Variants in ZNF692 observed in about 807,000 individuals in gnomAD.
The protein encoded by ZNF692 is AICAR responsive element binding protein.
A neutral mutation model predicts 49.0 loss-of-function variants in ZNF692; 41 were observed. The observed-to-expected ratio is 0.84, with a 90% CI of 0.65 to 1.08. ZNF692 has a LOEUF of 1.08. Ranked by LOEUF, ZNF692 falls within the 50% of genes least tolerant of loss-of-function variation. ZNF692 has a pLI of 0.00. For missense variants in ZNF692, 662 were observed against 662.2 expected, an observed-to-expected ratio of 1.00 and a Z score of 0.00; for synonymous variants, 288 against 251.5, an observed-to-expected ratio of 1.15 and a Z score of -1.37.
At position 248,857,811 on chromosome 1, in the gene ZNF692, T is replaced by TG. The variant is rs773783058; in HGVS notation, c.211+16dup. 3.7e-6 allele frequency: 6 copies of TG among 1,612,888 alleles called. No homozygotes were observed. The Middle Eastern group carries it at 4.9e-4, about 133-fold the overall frequency. Reference sequence around the variant, plus strand: ...CCTCTTCCCTCTGGCTCTCACCCCCTGCCATCCCCTACCTACCTGCACAGA... The same window carrying TG: ...CCTCTTCCCTCTGGCTCTCACCCCCTGGCCATCCCCTACCTACCTGCACAGA... On this transcript the variant is annotated intron_variant, in intron 3 of 11. Coordinates refer to ENST00000306601, the MANE Select transcript of ZNF692 (RefSeq NM_017865.4).
In ZNF692 at chr1:248,858,457, G is replaced by C; in HGVS notation, c.-12-136C>G. The C allele has an allele frequency of 6.4e-7, 1 of 1,551,606 alleles. No individual in the cohort carries two copies. The highest frequency in any genetic ancestry group is 8.7e-7 in the Non-Finnish European group (1 of 1,146,860). On this transcript the variant is annotated intron_variant, in intron 1 of 11. Transcript: ENST00000306601. This position sits in a 1 kb window ranked among gnomAD's most constrained non-coding sequence, Gnocchi z 4.3. ...TAAACTATTTCAATAGCAGTGGCAG[G>C]TGTGGAGCCAAACCCCGTCCTTCTA...
intron 9 of ZNF692, chr1:248,854,613 C>T (rs1261348571): frequency 7.8e-6 from 1 of 128,466 alleles, no homozygotes; most frequent in Admixed American, 7.7e-5. Context: ...GCTCTTCAAC[C>T]TTAACTCCTA....
In ZNF692 at chr1:248,855,409, T is replaced by C; in HGVS notation, c.1009A>G (p.Arg337Gly). Residue 337 changes from arginine to glycine, a missense_variant, in exon 9 of 12, where the codon AGG (arginine) becomes GGG (glycine). Physicochemically the swap from Arg to Gly is moderately radical, Grantham distance 125. Coordinates refer to ENST00000306601, the MANE Select transcript of ZNF692 (RefSeq NM_017865.4). ...LMPCDFPGCG[R>G]IFSNRQYLNH... The stretch of plus-strand genomic sequence containing the variant: ...AAATACTGCCGGTTGGAGAAGATCC[T>C]TCCACAGCCAGGGAAGTCACAAGGC... The C allele has an allele frequency of 6.2e-7, 1 of 1,614,184 alleles. No homozygotes were observed. The highest frequency in any genetic ancestry group is 8.5e-7 in the Non-Finnish European group (1 of 1,180,036).
In ZNF692 at chr1:248,857,218, C is replaced by CT; in HGVS notation, c.475+15dup. The CT allele has an allele frequency of 4.4e-6, 7 of 1,602,916 alleles. No homozygotes were observed. The highest frequency in any genetic ancestry group is 6.0e-6 in the Non-Finnish European group (7 of 1,174,042). Reference sequence around the variant, plus strand: ...TTCCTCCCTTTTCTCCATAACTCTGCTTTTTTCCAGCCTACCTGCAAGCTC... The same window carrying CT: ...TTCCTCCCTTTTCTCCATAACTCTGCTTTTTTTCCAGCCTACCTGCAAGCTC... On this transcript the variant is annotated intron_variant, in intron 4 of 11. Transcript: ENST00000306601.
In ZNF692 at chr1:248,850,756, G is replaced by A; in HGVS notation, c.1179C>T (p.Phe393=). The change falls in exon 11 of 12, where the codon TTC becomes TTT. Residue 393 remains phenylalanine (F), a synonymous_variant. Transcript: ENST00000306601. ...HSDTRDYICE[F]CARSFRTSSN... is the part of the protein sequence containing the mutation. ...TGCTAGTGCGGAAAGACCGGGCGCA[G>A]AACTCACAGATGTAGTCCCGGGTGT... 6.2e-7 allele frequency: 1 copy of A among 1,614,144 alleles called. No individual in the cohort carries two copies. The highest frequency in any genetic ancestry group is 8.5e-7 in the Non-Finnish European group (1 of 1,180,010).
In ZNF692 at chr1:248,850,262, C is replaced by T. The variant is rs1199441577; in HGVS notation, c.1508G>A (p.Gly503Glu). 6.3e-7 allele frequency: 1 copy of T among 1,593,856 alleles called. No individual in the cohort carries two copies. Among genetic ancestry groups the T allele is most frequent in the South Asian group, 1.1e-5 (1 of 88,324 alleles). Residue 503 changes from glycine to glutamate, a missense_variant, in exon 12 of 12, where the codon GGG (glycine) becomes GAG (glutamate). Physicochemically the swap from Gly to Glu is moderately conservative, Grantham distance 98. Transcript: ENST00000306601. ...SAPGPLGSSE[G>E]SRPSASPQAP... ...CTGAGGAGATGCAGAGGGCCTGGAC[C>T]CCTCGCTGGATCCCAGAGGCCCAGG...
Position 248,856,425 on chromosome 1 carries a change from G to A in ZNF692, c.525-3C>T, listed in dbSNP as rs745982396. ...TCTCTGGTGGGGGTCCCACCCTCCT[G>A]CAGGCCCAAAGAAGGCAAGCCTGAG... is the stretch of plus-strand genomic sequence containing the variant. On this transcript the variant is annotated splice_region_variant and splice_polypyrimidine_tract_variant and intron_variant, in intron 5 of 11. Coordinates refer to ENST00000306601, the MANE Select transcript of ZNF692 (RefSeq NM_017865.4). The A allele has an allele frequency of 3.1e-6, 5 of 1,613,814 alleles. No individual in the cohort carries two copies. The highest frequency in any genetic ancestry group is 4.2e-6 in the Non-Finnish European group (5 of 1,179,770).
At chr1:248,851,648 C>A (rs576490620) in intron 10 of ZNF692, among the ~76,000 whole-genome samples, 43 of 152,200 alleles carry the variant, frequency 2.8e-4, no homozygotes, top group African/African-American at 9.2e-4. Context: ...AGCCACTACT[C>A]CTGCTGTCAA....
chr1:248,857,633 AC>A, intron 3 of ZNF692, 136 bp from the exon 4 acceptor site: 1 of 1,476,916 alleles, frequency 6.8e-7, no homozygotes, highest in Non-Finnish European at 9.0e-7. Context: ...ATTCTTCAGA[AC>A]CTAGACACAC....
intron 10 of ZNF692, 98 bp from the exon 11 acceptor site, chr1:248,850,879 G>A: frequency 1.0e-6 from 1 of 1,001,806 alleles, no homozygotes; most frequent in South Asian, 1.4e-5. Flanking sequence ...GCACCGTATT[G>A]GAGGTCAGGA....
In ZNF692 at chr1:248,858,573, C is replaced by T; in HGVS notation, c.-12-252G>A. 1 of 1,551,328 alleles carries T rather than the reference C, an allele frequency of 6.4e-7. No individual in the cohort carries two copies. The highest frequency in any genetic ancestry group is 2.4e-5 in the East Asian group (1 of 40,924). On this transcript the variant is annotated intron_variant, in intron 1 of 11. Coordinates refer to ENST00000306601, the MANE Select transcript of ZNF692 (RefSeq NM_017865.4). This position sits in a 1 kb window ranked among gnomAD's most constrained non-coding sequence, Gnocchi z 4.3. Reference sequence around the variant, plus strand: ...AAGCAGTCAGAACAAAGGCCTGCGCCCTCCAGTCCACTGAAGTGGAGCTGT... The same window carrying T: ...AAGCAGTCAGAACAAAGGCCTGCGCTCTCCAGTCCACTGAAGTGGAGCTGT...
In ZNF692 at chr1:248,850,433, A is replaced by G. The variant is rs776921583; in HGVS notation, c.1337T>C (p.Leu446Ser). Residue 446 changes from leucine to serine, a missense_variant, in exon 12 of 12, where the codon TTG (leucine) becomes TCG (serine). By Grantham distance (145) the Leu-to-Ser change is moderately radical. Transcript: ENST00000306601. Reference protein sequence around the residue: ...QRKHAETVAALRFPCEFCGKR... With the variant: ...QRKHAETVAASRFPCEFCGKR... ...GCCGCAGAATTCACAGGGGAAGCGC[A>G]AGGCAGCCACCGTCTCTGCATGCTT... 3 of 1,614,060 alleles carry G rather than the reference A, an allele frequency of 1.9e-6. No individual in the cohort carries two copies. Among genetic ancestry groups the G allele is most frequent in the Non-Finnish European group, 2.5e-6 (3 of 1,179,998 alleles).
chr1:248,857,418 C>A lies in ZNF692; in HGVS notation c.291G>T (p.Val97=), dbSNP rs1377034042. The A allele has an allele frequency of 1.2e-6, 2 of 1,614,164 alleles. No individual in the cohort carries two copies. Among genetic ancestry groups the A allele is most frequent in the South Asian group, 1.1e-5 (1 of 91,078 alleles). Residue 97 remains valine (V), a synonymous_variant, in exon 4 of 12, where the codon GTG becomes GTT. Coordinates refer to ENST00000306601, the MANE Select transcript of ZNF692 (RefSeq NM_017865.4). ...GGCCGCCAGGCCCCCGAAGCCCGGG[C>A]ACCAGGCTGCACTCTCGGCTGTGGG... ...SHAHSRECSL[V]PGLRGPGGQD... is the part of the protein sequence containing the mutation.
At position 248,858,633 on chromosome 1, in the gene ZNF692, A is replaced by C; in HGVS notation, c.-13+285T>G. 95 of 1,393,688 alleles carry C rather than the reference A, an allele frequency of 6.8e-5. No individual in the cohort carries two copies. The highest frequency in any genetic ancestry group is 8.5e-5 in the Non-Finnish European group (85 of 1,004,228). 86.3% of individuals were successfully genotyped at this position (1,393,688 alleles called of 1,614,324 possible). A position where few individuals can be genotyped will look rare whatever the true frequency, so the allele number is the denominator to read the frequency against. Reference sequence around the variant, plus strand: ...GCGAGAGACTTTCACGGGAAATTTCAACTGGGCTGGGGGCGGTCCACACAT... The same window carrying C: ...GCGAGAGACTTTCACGGGAAATTTCCACTGGGCTGGGGGCGGTCCACACAT... On this transcript the variant is annotated intron_variant, in intron 1 of 11. Transcript: ENST00000306601. This position sits in a 1 kb window ranked among gnomAD's most constrained non-coding sequence, Gnocchi z 4.3.
intron 3 of ZNF692, 134 bp from the exon 4 acceptor site, chr1:248,857,631 G>GA: frequency 6.8e-7 from 1 of 1,479,590 alleles, no homozygotes; most frequent in East Asian, 2.4e-5. Context: ...TCATTCTTCA[G>GA]AACCTAGACA....
chr1:248,857,087 C>A (rs1020591351), intron 4 of ZNF692, 147 bp downstream of exon 4: 13 of 854,584 alleles, frequency 1.5e-5, no homozygotes, highest in Admixed American at 1.4e-4. Flanking sequence ...GCTTTTCATG[C>A]CCAACAGTGT....
chr1:248,857,384 C>T lies in ZNF692; in HGVS notation c.325G>A (p.Gly109Arg), dbSNP rs773518315. The T allele has an allele frequency of 9.3e-6, 15 of 1,614,164 alleles. No individual in the cohort carries two copies. In the East Asian group the frequency reaches 3.3e-4, roughly 36 times the overall value. Reference protein sequence around the residue: ...GLRGPGGQDGGLVWECSAGHT... With the variant: ...GLRGPGGQDGRLVWECSAGHT... ...CCTGCTGAGCACTCCCACACAAGCC[C>T]CCCATCTTGGCCGCCAGGCCCCCGA... The change falls in exon 4 of 12, where the codon GGG (glycine) becomes AGG (arginine). Residue 109 changes from glycine (G) to arginine (R), a missense_variant. Transcript: ENST00000306601.
chr1:248,851,085 G>A (rs1206757512), intron 10 of ZNF692: 4 of 539,924 alleles, frequency 7.4e-6, no homozygotes, highest in African/African-American at 5.7e-5. Flanking sequence ...TCAGCCTCTA[G>A]GCTGGTTCTT....
At chr1:248,850,638 C>T in intron 11 of ZNF692, 44 bp downstream of exon 11, 1 of 1,610,548 alleles carries the variant, frequency 6.2e-7, no homozygotes, top group Non-Finnish European at 8.5e-7. Flanking sequence ...ACTCCACCTC[C>T]TCCCTTCTAG....
Sources: allele counts gnomAD v4.1 joint callset (sites outside exome capture counted in the v4.1 genomes callset), GRCh38; gene constraint gnomAD v4.1.1; non-coding constraint Gnocchi (gnomAD v3.1); transcripts MANE v1.5; gene names NCBI Gene and HGNC (gene_info 2026-07-23, HGNC 2026-07-21).